TRAPPC14: variants seen among roughly 807,000 people sequenced by gnomAD.
TRAPPC14 encodes the protein microtubule associated protein 11.
Under a neutral mutation model 56.6 loss-of-function variants are expected in TRAPPC14, and 24 were observed. The ratio of observed to expected loss-of-function variants is 0.42; its 90% CI spans 0.31 to 0.60. The LOEUF (loss-of-function observed/expected upper bound fraction) is 0.60. Ranked by LOEUF, TRAPPC14 falls within the 20% of genes least tolerant of loss-of-function variation. TRAPPC14 has a pLI of 0.14. For missense variants in TRAPPC14, 615 were observed against 790.3 expected, an observed-to-expected ratio of 0.78 and a Z score of 2.66; for synonymous variants, 377 against 347.0, an observed-to-expected ratio of 1.09 and a Z score of -0.96.
In TRAPPC14 at chr7:100,158,072, C is replaced by T; in HGVS notation, c.411+17G>A. The T allele has an allele frequency of 6.9e-7, 1 of 1,444,840 alleles. No individual in the cohort carries two copies. The highest frequency in any genetic ancestry group is 9.2e-7 in the Non-Finnish European group (1 of 1,091,830). 89.5% of individuals were successfully genotyped at this position (1,444,840 alleles called of 1,614,324 possible). ...ACCGCCCCTCCGTCCTGTGCCAGGTCCCCCAAAGCTCCTCACCGTGGTCGC... is the reference window on the plus strand; with the variant it reads ...ACCGCCCCTCCGTCCTGTGCCAGGTTCCCCAAAGCTCCTCACCGTGGTCGC... On this transcript the variant is annotated intron_variant, in intron 1 of 10. Coordinates refer to ENST00000316937, the MANE Select transcript of TRAPPC14 (RefSeq NM_018275.5).
At position 100,155,377 on chromosome 7, in the gene TRAPPC14, G is replaced by T. The variant is rs973059328; in HGVS notation, c.1474C>A (p.Arg492Ser). The change falls in exon 10 of 11, where the codon CGC becomes AGC. Residue 492 changes from arginine to serine, a missense_variant. Coordinates refer to ENST00000316937, the MANE Select transcript of TRAPPC14 (RefSeq NM_018275.5). ...HPPPEARPLS[R>S]KSSPSSPAVR... ...GCAGGGCTGCTGGGGCTGCTCTTGC[G>T]GGAGAGGGGCCGGGCCTCGGGTGGA... 4 of 1,549,570 alleles carry T rather than the reference G, an allele frequency of 2.6e-6. No homozygotes were observed. The African/African-American group carries it at 5.5e-5, about 21-fold the overall frequency.
Position 100,155,411 on chromosome 7 carries a change from C to A in TRAPPC14, c.1440G>T (p.Val480=). 1 of 1,541,890 alleles carries A rather than the reference C, an allele frequency of 6.5e-7. No individual in the cohort carries two copies. Among genetic ancestry groups the A allele is most frequent in the Non-Finnish European group, 8.8e-7 (1 of 1,142,456 alleles). ...GCCGGGCCTCGGGTGGAGGGTGGGA[C>A]ACGCTGGCGGTGAACTGCAGCTTCA... The part of the protein sequence containing the change: ...MKLKLQFTAS[V]SHPPPEARPL... The change falls in exon 10 of 11, where the codon GTG becomes GTT. Residue 480 remains valine, a synonymous_variant. Transcript: ENST00000316937.
chr7:100,157,447 AGCAGCGTGCTCACTGCGG>A lies in TRAPPC14; in HGVS notation c.638-6_649del. 1 of 1,613,440 alleles carries A rather than the reference AGCAGCGTGCTCACTGCGG, an allele frequency of 6.2e-7. No individual in the cohort carries two copies. Among genetic ancestry groups the A allele is most frequent in the Non-Finnish European group, 8.5e-7 (1 of 1,179,966 alleles). On this transcript the variant is annotated splice_acceptor_variant and splice_polypyrimidine_tract_variant and coding_sequence_variant and intron_variant, in exon 4 of 11. Transcript: ENST00000316937. LOFTEE classifies it high-confidence loss of function. ...CAGAACCGGAGGGGGCAGCAGAGTC[AGCAGCGTGCTCACTGCGG>A]GAGGGGGTGGGGGCAAGAAGTGATG...
At position 100,157,649 on chromosome 7, in the gene TRAPPC14, G is replaced by T. The variant is rs767954737; in HGVS notation, c.621C>A (p.Ser207Arg). ...SPGETFRGEQ[S>R]AFKAQVSTLL... is the part of the protein sequence containing the mutation. The stretch of plus-strand genomic sequence containing the variant: ...CCTGCCCACCTTGGGCCTTGAAAGC[G>T]CTCTGCTCGCCCCGGAATGTCTCCC... Residue 207 changes from serine to arginine, a missense_variant, in exon 3 of 11, where the codon AGC (serine) becomes AGA (arginine). By Grantham distance (110) the Ser-to-Arg change is moderately radical. Transcript: ENST00000316937. 1 of 1,614,124 alleles carries T rather than the reference G, an allele frequency of 6.2e-7. No individual in the cohort carries two copies. Among genetic ancestry groups the T allele is most frequent in the Non-Finnish European group, 8.5e-7 (1 of 1,180,030 alleles).
intron 8 of TRAPPC14, 139 bp from the exon 9 acceptor site, chr7:100,155,964 G>A (rs376158898): frequency 1.8e-6 from 2 of 1,096,328 alleles, no homozygotes; most frequent in Non-Finnish European, 2.8e-6. Flanking sequence ...GCATGTTGTA[G>A]ATAACAACAG....
chr7:100,157,268 T>C, intron 4 of TRAPPC14, 54 bp from the exon 5 acceptor site: 2 of 1,613,564 alleles, frequency 1.2e-6, no homozygotes, highest in South Asian at 2.2e-5. Context: ...AGGCCCCACC[T>C]TTACCCAGAA....
chr7:100,155,058 T>C lies in TRAPPC14; in HGVS notation c.1696A>G (p.Ile566Val). The C allele has an allele frequency of 6.2e-7, 1 of 1,614,028 alleles. No individual in the cohort carries two copies. The highest frequency in any genetic ancestry group is 8.5e-7 in the Non-Finnish European group (1 of 1,179,962). The change falls in exon 11 of 11, where the codon ATT (isoleucine) becomes GTT (valine). Residue 566 changes from isoleucine to valine, a missense_variant. Physicochemically the swap from Ile to Val is conservative, Grantham distance 29 (BLOSUM62 3). Coordinates refer to ENST00000316937, the MANE Select transcript of TRAPPC14 (RefSeq NM_018275.5). ...PDKAVLSLDK[I>V]AKRECKVLVV... ...AGGACCTTGCACTCGCGCTTGGCAA[T>C]CTTGTCCAGAGACAACACAGCCTTG...
At position 100,155,426 on chromosome 7, in the gene TRAPPC14, C is replaced by T; in HGVS notation, c.1425G>A (p.Gln475=). ...GAGGGTGGGACACGCTGGCGGTGAACTGCAGCTTCAGTTTCATGTGCTGGC... is the reference window on the plus strand; with the variant it reads ...GAGGGTGGGACACGCTGGCGGTGAATTGCAGCTTCAGTTTCATGTGCTGGC... ...ELSQHMKLKL[Q]FTASVSHPPP... The change falls in exon 10 of 11, where the codon CAG becomes CAA. Residue 475 remains glutamine, a synonymous_variant. Coordinates refer to ENST00000316937, the MANE Select transcript of TRAPPC14 (RefSeq NM_018275.5). 6.5e-7 allele frequency: 1 copy of T among 1,530,288 alleles called. No homozygotes were observed. The highest frequency in any genetic ancestry group is 8.8e-7 in the Non-Finnish European group (1 of 1,136,120). The allele number at this position is 1,530,288 out of a possible 1,614,324, so 94.8% of individuals were successfully genotyped here.
Position 100,158,103 on chromosome 7 carries a change from C to T in TRAPPC14, c.397G>A (p.Gly133Arg), listed in dbSNP as rs775433611. 12 of 1,500,068 alleles carry T rather than the reference C, an allele frequency of 8.0e-6. No individual in the cohort carries two copies. The highest frequency in any genetic ancestry group is 1.4e-5 in the African/African-American group (1 of 70,912). 92.9% of individuals were successfully genotyped at this position (1,500,068 alleles called of 1,614,324 possible). A position where few individuals can be genotyped will look rare whatever the true frequency, so the allele number is the denominator to read the frequency against. ...LTHGPGPATS[G>R]GATTLPVEEP... ...AAGCTCCTCACCGTGGTCGCTCCCC[C>T]TGAGGTAGCAGGGCCCGGGCCGTGG... Residue 133 changes from glycine to arginine, a missense_variant, in exon 1 of 11, where the codon GGG becomes AGG. Physicochemically the swap from Gly to Arg is moderately radical, Grantham distance 125. Transcript: ENST00000316937.
At chr7:100,156,776 C>A in intron 6 of TRAPPC14, 60 bp from the exon 7 acceptor site, 1 of 1,601,828 alleles carries the variant, frequency 6.2e-7, no homozygotes. Context: ...CATCTTGAGT[C>A]AGCTGCCTGG....
chr7:100,156,545 G>A lies in TRAPPC14; in HGVS notation c.1081C>T (p.Pro361Ser). Residue 361 changes from proline to serine, a missense_variant, in exon 8 of 11, where the codon CCC becomes TCC. Transcript: ENST00000316937. Reference sequence around the variant, plus strand: ...CACGGGCGGTCCAAGCGGACACTGGGCAGGCTAGGAGTGGTGAGAGAGGGA... The same window carrying A: ...CACGGGCGGTCCAAGCGGACACTGGACAGGCTAGGAGTGGTGAGAGAGGGA... ...TQSIYTHYRL[P>S]SVRLDRPCFV... 6.2e-7 allele frequency: 1 copy of A among 1,614,112 alleles called. No homozygotes were observed. The highest frequency in any genetic ancestry group is 8.5e-7 in the Non-Finnish European group (1 of 1,179,994).
intron 3 of TRAPPC14, 37 bp from the exon 4 acceptor site, chr7:100,157,496 G>C: frequency 6.2e-7 from 1 of 1,604,722 alleles, no homozygotes; most frequent in East Asian, 2.2e-5. Context: ...TGATGGTCTG[G>C]AGGCTGACCT....
chr7:100,157,029 T>C, intron 5 of TRAPPC14, 37 bp from the exon 6 acceptor site: 1 of 1,613,966 alleles, frequency 6.2e-7, no homozygotes, highest in Non-Finnish European at 8.5e-7. Flanking sequence ...GGTCTCCCCA[T>C]GCCAGAGCTC....
At chr7:100,155,883 T>C in intron 8 of TRAPPC14, 58 bp from the exon 9 acceptor site, 6 of 1,605,504 alleles carry the variant, frequency 3.7e-6, no homozygotes, top group Non-Finnish European at 5.1e-6. Flanking sequence ...CCACAGGGCC[T>C]TCGCCAGCAC....
At position 100,155,801 on chromosome 7, in the gene TRAPPC14, C is replaced by G. The variant is rs572680283; in HGVS notation, c.1265G>C (p.Arg422Pro). The G allele has an allele frequency of 4.3e-6, 7 of 1,614,200 alleles. No individual in the cohort carries two copies. Among genetic ancestry groups the G allele is most frequent in the Non-Finnish European group, 4.2e-6 (5 of 1,180,042 alleles). The change falls in exon 9 of 11, where the codon CGC becomes CCC. Residue 422 changes from arginine (R) to proline (P), a missense_variant. Arg to Pro is a moderately radical substitution (Grantham distance 103). Coordinates refer to ENST00000316937, the MANE Select transcript of TRAPPC14 (RefSeq NM_018275.5). The part of the protein sequence containing the change: ...QAGKQLCEEE[R>P]RAMQAALDSV... ...GTCCAGGGCAGCCTGCATGGCCCGG[C>G]GCTCCTCCTCACACAGCTGCTTTCC...
intron 6 of TRAPPC14, 63 bp from the exon 7 acceptor site, chr7:100,156,779 C>T (rs1798889755): frequency 8.1e-6 from 13 of 1,601,936 alleles, no homozygotes; most frequent in Non-Finnish European, 1.0e-5. Flanking sequence ...CTTGAGTCAG[C>T]TGCCTGGTCT....
chr7:100,157,921 C>A lies in TRAPPC14; in HGVS notation c.429G>T (p.Pro143=). Residue 143 remains proline, a synonymous_variant, in exon 2 of 11, where the codon CCG becomes CCT. Coordinates refer to ENST00000316937, the MANE Select transcript of TRAPPC14 (RefSeq NM_018275.5). The stretch of plus-strand genomic sequence containing the variant: ...AGATGACCTCATCTGTGGACACAAT[C>A]GGTTCCTCCACAGGCAGCTGGGGTT... The part of the protein sequence containing the change: ...GGATTLPVEE[P]IVSTDEVIFP... 6.5e-7 allele frequency: 1 copy of A among 1,546,734 alleles called. No individual in the cohort carries two copies. Among genetic ancestry groups the A allele is most frequent in the Non-Finnish European group, 8.7e-7 (1 of 1,144,250 alleles).
At chr7:100,155,932 C>T in intron 8 of TRAPPC14, 107 bp from the exon 9 acceptor site, 1 of 1,397,402 alleles carries the variant, frequency 7.2e-7, no homozygotes, top group Non-Finnish European at 1.0e-6. Context: ...GTGGAGTAAA[C>T]TGAGCAAACG....
chr7:100,157,111 C>T lies in TRAPPC14; in HGVS notation c.828G>A (p.Leu276=), dbSNP rs772322180. ...YLPVMPDGSV[L]LVDNVCHQSG... ...GACCTCACCAGACATTGTCCACCAG[C>T]AGCACAGAGCCATCGGGCATGACAG... Residue 276 remains leucine, a synonymous_variant, in exon 5 of 11, where the codon CTG becomes CTA. Transcript: ENST00000316937. The T allele has an allele frequency of 1.9e-6, 3 of 1,614,204 alleles. No homozygotes were observed. The highest frequency in any genetic ancestry group is 3.3e-5 in the Admixed American group (2 of 60,028).
Sources: allele counts gnomAD v4.1 joint callset, GRCh38; gene constraint gnomAD v4.1.1; transcripts MANE v1.5; gene names NCBI Gene and HGNC (gene_info 2026-07-23, HGNC 2026-07-21).